The following DLG5 variants were observed in gnomAD, a reference collection of about 807,000 sequenced individuals.
The protein encoded by DLG5 is discs large MAGUK scaffold protein 5.
In DLG5, 48 loss-of-function variants were observed where a neutral mutation model predicts 189.8. The observed-to-expected ratio is 0.25, with a 90% CI of 0.20 to 0.32. DLG5 has a LOEUF of 0.32. Ranked by LOEUF, DLG5 falls within the 10% of genes least tolerant of loss-of-function variation. The pLI is 1.00. For synonymous variants in DLG5, 1,016 were observed against 1,054.1 expected (o/e 0.96, Z 0.70); for missense variants, 2,160 against 2,544.7 (o/e 0.85, Z 3.25).
intron 1 of DLG5, among the ~76,000 whole-genome samples, chr10:77,898,265 C>T (rs1845823046): frequency 6.6e-6 from 1 of 152,246 alleles, no homozygotes; most frequent in Admixed American, 6.5e-5. Flanking sequence ...CACCCTCTAC[C>T]ACACGTGGAC....
intron 5 of DLG5, among the ~76,000 whole-genome samples, chr10:77,852,944 G>A (rs1369299826): frequency 6.6e-6 from 1 of 152,138 alleles, no homozygotes; most frequent in Non-Finnish European, 1.5e-5. Context: ...CCGGGAAACA[G>A]TGCCAACCCA....
intron 5 of DLG5, among the ~76,000 whole-genome samples, chr10:77,852,435 A>T (rs1188712490): frequency 6.8e-6 from 1 of 147,790 alleles, no homozygotes; most frequent in African/African-American, 2.7e-5. Flanking sequence ...TGTTTGTTTG[A>T]GGCAGAATCT....
rs1843103490 is a variant in DLG5 at position 77,835,850 on chromosome 10, C to T, written c.1510G>A (p.Ala504Thr). The change falls in exon 8 of 32, where the codon GCT becomes ACT. Residue 504 changes from alanine to threonine, a missense_variant. Physicochemically the swap from Ala to Thr is moderately conservative, Grantham distance 58 (BLOSUM62 0). Coordinates refer to ENST00000372391, the MANE Select transcript of DLG5 (RefSeq NM_004747.4). ...GCTTCCTTCAGCTCCTGGCACAGAG[C>T]CTTGCACTGCTTTCGAAGGATTTCA... The part of the protein sequence containing the change: ...EVEILRKQCK[A>T]LCQELKEALQ... 6.2e-7 allele frequency: 1 copy of T among 1,614,090 alleles called. No individual in the cohort carries two copies. Among genetic ancestry groups the T allele is most frequent in the Admixed American group, 1.7e-5 (1 of 60,018 alleles).
In DLG5 at chr10:77,879,766, T is replaced by C. The variant is rs1845218122; in HGVS notation, c.305-10569A>G. On this transcript the variant is annotated intron_variant, in intron 1 of 31. Transcript: ENST00000372391. Reference sequence around the variant, plus strand: ...GTTCTTGGCCTGGAAACTGGAAGGATGATGTTGGTCCTTGCTGAAAGGGGG... The same window carrying C: ...GTTCTTGGCCTGGAAACTGGAAGGACGATGTTGGTCCTTGCTGAAAGGGGG... Among the ~76,000 whole-genome samples, 3 of 150,924 alleles carry C rather than the reference T, an allele frequency of 2.0e-5. No individual in the cohort carries two copies. In the South Asian group the frequency reaches 6.3e-4, roughly 32 times the overall value.
In DLG5 at chr10:77,926,277, G is replaced by A; in HGVS notation, c.244C>T (p.Leu82=). 6.3e-7 allele frequency: 1 copy of A among 1,586,714 alleles called. No homozygotes were observed. The highest frequency in any genetic ancestry group is 8.6e-7 in the Non-Finnish European group (1 of 1,168,612). The change falls in exon 1 of 32, where the codon CTG becomes TTG. Residue 82 remains leucine, a synonymous_variant. Transcript: ENST00000372391. The surrounding 1 kb of genome is among the most constrained non-coding windows in gnomAD (Gnocchi z 5.2). ...CCGTTCAGGTAGAGAATGGGCAGCA[G>A]GTGAGGCTGCGTCTTCTCCAGCGCC... ...RAALEKTQPH[L]LPILYLNGVV... is the part of the protein sequence containing the mutation.
chr10:77,820,783 G>C (rs1052267425), intron 15 of DLG5: 1 of 417,646 alleles, frequency 2.4e-6, no homozygotes, highest in Non-Finnish European at 4.3e-6. Context: ...GCCCTTCAAG[G>C]CAAGTCTATG....
intron 25 of DLG5, 38 bp from the exon 26 acceptor site, chr10:77,806,966 C>G (rs745809185): frequency 1.3e-6 from 2 of 1,589,470 alleles, no homozygotes; most frequent in Non-Finnish European, 1.7e-6. Flanking sequence ...TCAGGCGGCT[C>G]TGGCCACCAA....
chr10:77,792,847 G>T, intron 31 of DLG5: 1 of 396,474 alleles, frequency 2.5e-6, no homozygotes, highest in Non-Finnish European at 4.6e-6. Context: ...TGTGGCGGTG[G>T]TCTAATCATT....
At chr10:77,795,650 C>T (rs751314397) in intron 29 of DLG5, among the ~76,000 whole-genome samples, 133 of 152,222 alleles carry the variant, frequency 8.7e-4, no homozygotes, top group Non-Finnish European at 1.5e-3. Flanking sequence ...GAGTCATAGC[C>T]CTTTTAGGGG....
intron 27 of DLG5, among the ~76,000 whole-genome samples, chr10:77,801,114 T>C (rs74780380): frequency 3.8e-4 from 58 of 152,286 alleles, no homozygotes; most frequent in African/African-American, 1.3e-3. Flanking sequence ...AGGCATATCA[T>C]GGGGCAGGAC....
intron 29 of DLG5, among the ~76,000 whole-genome samples, chr10:77,795,237 C>A (rs1010165322): frequency 6.6e-6 from 1 of 152,232 alleles, no homozygotes; most frequent in Non-Finnish European, 1.5e-5. Context: ...GATACAGGGA[C>A]CTTCTGAAAG....
chr10:77,823,527 T>C (rs1456125231), intron 14 of DLG5, among the ~76,000 whole-genome samples: 1 of 119,210 alleles, frequency 8.4e-6, no homozygotes, highest in Non-Finnish European at 1.7e-5. Context: ...GTCACTTCCC[T>C]TCCTTTTTTT....
At chr10:77,879,604 A>C (rs1201476405) in intron 1 of DLG5, among the ~76,000 whole-genome samples, 2 of 151,710 alleles carry the variant, frequency 1.3e-5, no homozygotes, top group African/African-American at 4.8e-5. Flanking sequence ...GTTGGTGAGA[A>C]GTAGCTGGAT....
At chr10:77,813,336 A>C (rs937769861) in intron 20 of DLG5, among the ~76,000 whole-genome samples, 1 of 151,658 alleles carries the variant, frequency 6.6e-6, no homozygotes, top group Non-Finnish European at 1.5e-5. Flanking sequence ...AAACCACCCC[A>C]CCCCGGCCAC....
At chr10:77,883,991 G>A (rs765583151) in intron 1 of DLG5, among the ~76,000 whole-genome samples, 25 of 152,126 alleles carry the variant, frequency 1.6e-4, no homozygotes, top group Non-Finnish European at 7.4e-5. Context: ...GAGCCATCAC[G>A]CCTGGCCTGA....
intron 6 of DLG5, among the ~76,000 whole-genome samples, chr10:77,843,136 C>G (rs1031648861): frequency 1.1e-4 from 16 of 152,118 alleles, no homozygotes; most frequent in Non-Finnish European, 2.2e-4. Flanking sequence ...TCAGAACACA[C>G]CAGTATTTAT....
chr10:77,837,920 G>A (rs1190248484), intron 7 of DLG5, among the ~76,000 whole-genome samples: 5 of 152,232 alleles, frequency 3.3e-5, no homozygotes, highest in Non-Finnish European at 5.9e-5. Flanking sequence ...CCTATGGGCT[G>A]CAACCCAGCC....
intron 20 of DLG5, 116 bp from the exon 21 acceptor site, chr10:77,812,493 T>C (rs1054165809): frequency 9.0e-5 from 110 of 1,218,936 alleles, no homozygotes; most frequent in Non-Finnish European, 1.1e-4. Context: ...CGAGCCTGGA[T>C]GCTCCCATTG....
chr10:77,911,399 G>A lies in DLG5; in HGVS notation c.304+14818C>T, dbSNP rs1265748. 5.5e-3 allele frequency among the ~76,000 whole-genome samples: 843 copies of A among 152,274 alleles called. 6 individuals are homozygous for A. Among genetic ancestry groups the A allele is most frequent in the Admixed American group, 0.025 (380 of 15,304 alleles). The stretch of plus-strand genomic sequence containing the variant: ...CAAAGTGCTGGAATTACAGGTGTAA[G>A]CTACCACACCTAGCCAGAATTAAAG... On this transcript the variant is annotated intron_variant, in intron 1 of 31. Coordinates refer to ENST00000372391, the MANE Select transcript of DLG5 (RefSeq NM_004747.4).
Sources: allele counts gnomAD v4.1 joint callset (sites outside exome capture counted in the v4.1 genomes callset), GRCh38; gene constraint gnomAD v4.1.1; non-coding constraint Gnocchi (gnomAD v3.1); transcripts MANE v1.5; gene names NCBI Gene and HGNC (gene_info 2026-07-23, HGNC 2026-07-21).